GREB1L: variants seen among roughly 807,000 people sequenced by gnomAD.
The protein encoded by GREB1L is GREB1 like retinoic acid receptor coactivator, also known as GREB1-like protein.
In GREB1L, 17 loss-of-function variants were observed where a neutral mutation model predicts 200.8. The observed-to-expected ratio is 0.08, with a 90% confidence interval of 0.06 to 0.13. The LOEUF (loss-of-function observed/expected upper bound fraction) is 0.13, where lower values mean the gene tolerates loss of function less well. Among genes scored for constraint, GREB1L ranks in the 10% least tolerant of loss-of-function variants. The pLI is 1.00. For synonymous variants in GREB1L, 789 were observed against 893.0 expected, an observed-to-expected ratio of 0.88 and a Z score of 2.08; for missense variants, 1,657 against 2,367.7, an observed-to-expected ratio of 0.70 and a Z score of 6.23.
At chr18:21,514,398 C>T (rs1458755780) in intron 28 of GREB1L, among the ~76,000 whole-genome samples, 1 of 152,158 alleles carries the variant, frequency 6.6e-6, no homozygotes, top group African/African-American at 2.4e-5. Context: ...GCCTGCAGTC[C>T]CAGCTACTTG....
chr18:21,479,948 C>A (rs1469911189), intron 17 of GREB1L, among the ~76,000 whole-genome samples: 1 of 152,124 alleles, frequency 6.6e-6, no homozygotes, highest in Non-Finnish European at 1.5e-5. Context: ...ACTGTATCAC[C>A]CAGGCTGGTC....
At chr18:21,262,208 G>T (rs915551369) in intron 1 of GREB1L, among the ~76,000 whole-genome samples, 2 of 152,108 alleles carry the variant, frequency 1.3e-5, no homozygotes, top group African/African-American at 4.8e-5. Flanking sequence ...ATGTAGGGGT[G>T]ATTTCCTTGA....
intron 1 of GREB1L, among the ~76,000 whole-genome samples, chr18:21,258,514 C>G (rs926547348): frequency 6.6e-6 from 1 of 152,162 alleles, no homozygotes; most frequent in Non-Finnish European, 1.5e-5. Context: ...TCCTTCTGAT[C>G]TAAGCCACTG....
chr18:21,271,499 A>G (rs929420099), intron 1 of GREB1L, among the ~76,000 whole-genome samples: 1 of 151,892 alleles, frequency 6.6e-6, no homozygotes, highest in Non-Finnish European at 1.5e-5. Flanking sequence ...GCTAAAAAAA[A>G]AAAATAGCCA....
intron 1 of GREB1L, among the ~76,000 whole-genome samples, chr18:21,260,356 G>A (rs1193209192): frequency 1.3e-5 from 2 of 151,620 alleles, no homozygotes; most frequent in East Asian, 1.9e-4. Context: ...TACCTGATTT[G>A]TGGACCATCA....
chr18:21,408,152 T>A (rs148699948), intron 7 of GREB1L, among the ~76,000 whole-genome samples: 2 of 97,334 alleles, frequency 2.1e-5, no homozygotes, highest in Non-Finnish European at 5.4e-5. Flanking sequence ...AGATAGATGT[T>A]TGAGGTGATG....
chr18:21,390,774 A>G (rs1001181796), intron 4 of GREB1L, among the ~76,000 whole-genome samples: 1 of 152,094 alleles, frequency 6.6e-6, no homozygotes, highest in African/African-American at 2.4e-5. Context: ...TGACCTTGTG[A>G]TCCACCCGCC....
At chr18:21,481,935 A>G (rs2035938380) in intron 17 of GREB1L, among the ~76,000 whole-genome samples, 1 of 152,154 alleles carries the variant, frequency 6.6e-6, no homozygotes, top group African/African-American at 2.4e-5. Flanking sequence ...TAGTAAACGT[A>G]TGTATGCATT....
At chr18:21,391,060 T>C (rs139191243) in intron 4 of GREB1L, among the ~76,000 whole-genome samples, 3 of 152,308 alleles carry the variant, frequency 2.0e-5, no homozygotes, top group East Asian at 3.9e-4. Flanking sequence ...AAAAAAACAT[T>C]TTAGTAAATT....
At chr18:21,485,573 C>CA (rs1441895893) in intron 17 of GREB1L, 47 bp from the exon 18 acceptor site, 2 of 1,514,380 alleles carry the variant, frequency 1.3e-6, no homozygotes, top group African/African-American at 2.8e-5. Flanking sequence ...AAACAAGACA[C>CA]ACTGTATCCT....
At chr18:21,378,008 C>A (rs2040146824) in intron 2 of GREB1L, among the ~76,000 whole-genome samples, 1 of 152,194 alleles carries the variant, frequency 6.6e-6, no homozygotes, top group Non-Finnish European at 1.5e-5. Context: ...ATTACAGGTA[C>A]AAGCCACCAT....
chr18:21,444,136 A>C, intron 10 of GREB1L, 88 bp from the exon 11 acceptor site: 1 of 884,634 alleles, frequency 1.1e-6, no homozygotes, highest in Non-Finnish European at 1.7e-6. Flanking sequence ...AATTTTGTTA[A>C]GCAGCTTTGA....
intron 5 of GREB1L, among the ~76,000 whole-genome samples, chr18:21,400,594 C>T (rs1181762255): frequency 1.3e-5 from 2 of 152,178 alleles, no homozygotes; most frequent in African/African-American, 4.8e-5. Context: ...TTCCAATTCT[C>T]TAAAACCTTA....
intron 5 of GREB1L, among the ~76,000 whole-genome samples, chr18:21,396,075 G>A (rs189489684): frequency 3.8e-4 from 44 of 114,536 alleles, no homozygotes; most frequent in African/African-American, 1.5e-3. Context: ...ACAGAGTTTT[G>A]CTCTTGTCAC....
intron 1 of GREB1L, among the ~76,000 whole-genome samples, chr18:21,278,294 C>T (rs923069029): frequency 6.6e-6 from 1 of 150,694 alleles, no homozygotes; most frequent in East Asian, 2.0e-4. Context: ...GCAGGAGAAT[C>T]GCTTGAACCT....
At chr18:21,269,185 C>G (rs952970358) in intron 1 of GREB1L, among the ~76,000 whole-genome samples, 1 of 152,072 alleles carries the variant, frequency 6.6e-6, no homozygotes, top group African/African-American at 2.4e-5. Flanking sequence ...CAAAATTAGT[C>G]TAATACTCAT....
At chr18:21,451,974 C>A (rs1486755470) in intron 13 of GREB1L, 109 bp from the exon 14 acceptor site, 2 of 977,834 alleles carry the variant, frequency 2.0e-6, no homozygotes, top group Non-Finnish European at 3.0e-6. Flanking sequence ...GAATTGCTGG[C>A]TGACCAACAA....
chr18:21,264,336 T>G (rs2037934302), intron 1 of GREB1L, among the ~76,000 whole-genome samples: 2 of 152,072 alleles, frequency 1.3e-5, no homozygotes, highest in South Asian at 4.2e-4. Context: ...TAGGGCACTA[T>G]CCACTTATAA....
At chr18:21,371,684 T>G (rs1354398585) in intron 2 of GREB1L, among the ~76,000 whole-genome samples, 2 of 149,968 alleles carry the variant, frequency 1.3e-5, no homozygotes, top group Non-Finnish European at 3.0e-5. Context: ...CTCGGGAGGC[T>G]GAGGCAGGAG....
Sources: gnomAD v4.1 joint callset for allele counts (sites outside exome capture counted in the v4.1 genomes callset) on GRCh38, gnomAD v4.1.1 for gene constraint, MANE v1.5 for transcripts, NCBI Gene and HGNC (gene_info 2026-07-23, HGNC 2026-07-21) for gene names.